LIG1: variants seen among roughly 807,000 people sequenced by gnomAD.
The protein encoded by LIG1 is ligase I, DNA, ATP-dependent.
In LIG1, 70 loss-of-function variants were observed where a neutral mutation model predicts 115.7. That is an observed-to-expected ratio of 0.60 (90% CI 0.50 to 0.74). The LOEUF is 0.74. Among genes scored for constraint, LIG1 ranks in the 30% least tolerant of loss-of-function variants. The pLI is 0.00. For synonymous variants in LIG1, 487 were observed against 495.3 expected, an observed-to-expected ratio of 0.98 and a Z score of 0.22; for missense variants, 1,115 against 1,225.6, an observed-to-expected ratio of 0.91 and a Z score of 1.35.
chr19:48,119,252 C>A, intron 24 of LIG1, 62 bp from the exon 25 acceptor site: 2 of 1,354,696 alleles, frequency 1.5e-6, no homozygotes, highest in Non-Finnish European at 2.1e-6. Context: ...CTTGCTCCTG[C>A]CATCTAAAGC....
Position 48,137,871 on chromosome 19 carries a change from C to G in LIG1, c.1088-183G>C. On this transcript the variant is annotated intron_variant, in intron 12 of 27. Transcript: ENST00000263274. This position sits in a 1 kb window ranked among gnomAD's most constrained non-coding sequence, Gnocchi z 4.3. ...CTTGGGGAACGTGCCCCCAGCCACGCTGGCTGTAGGAAGTCAGCAAACATG... is the reference window on the plus strand; with the variant it reads ...CTTGGGGAACGTGCCCCCAGCCACGGTGGCTGTAGGAAGTCAGCAAACATG... The G allele has an allele frequency of 1.4e-6, 1 of 711,278 alleles. No homozygotes were observed. Among genetic ancestry groups the G allele is most frequent in the Non-Finnish European group, 2.4e-6 (1 of 419,162 alleles). The allele number at this position is 711,278 out of a possible 1,614,324, so 44.1% of individuals were successfully genotyped here.
chr19:48,132,371 G>A (rs183345506), intron 18 of LIG1, among the ~76,000 whole-genome samples: 1 of 152,250 alleles, frequency 6.6e-6, no homozygotes, highest in African/African-American at 2.4e-5. Context: ...GCACCTCCCA[G>A]AACGGCTGTT....
At position 48,156,994 on chromosome 19, in the gene LIG1, A is replaced by G. The variant is rs1599862776; in HGVS notation, c.370+20T>C. 5 of 384,182 alleles carry G rather than the reference A, an allele frequency of 1.3e-5. No individual in the cohort carries two copies. Among genetic ancestry groups the G allele is most frequent in the Non-Finnish European group, 1.8e-5 (5 of 272,592 alleles). 23.8% of individuals were successfully genotyped at this position (384,182 alleles called of 1,614,324 possible). ...AAGAAAGGCAGGCGACTGAAGGGGC[A>G]GGGGCCCGTGTGTTCTCACCTGTGC... On this transcript the variant is annotated intron_variant, in intron 5 of 27. Transcript: ENST00000263274.
chr19:48,120,201 C>T (rs1202732633), intron 24 of LIG1: 3 of 985,368 alleles, frequency 3.0e-6, no homozygotes, highest in Non-Finnish European at 3.6e-6. Context: ...CTTCCCCACA[C>T]AGCCACGGGG....
At chr19:48,135,944 G>T in intron 15 of LIG1, 90 bp downstream of exon 15, 2 of 1,123,000 alleles carry the variant, frequency 1.8e-6, no homozygotes, top group South Asian at 2.8e-5. Context: ...GGGCCCGCTG[G>T]GGAAGGGGCG....
chr19:48,121,102 A>T, intron 24 of LIG1, 68 bp downstream of exon 24: 1 of 1,612,764 alleles, frequency 6.2e-7, no homozygotes, highest in Non-Finnish European at 8.5e-7. Flanking sequence ...GTTGTGCAAT[A>T]GGAAATACCC....
chr19:48,161,191 A>G (rs2036155352), intron 4 of LIG1, 181 bp downstream of exon 4: 1 of 800,496 alleles, frequency 1.2e-6, no homozygotes, highest in Non-Finnish European at 2.1e-6. Context: ...AGCCCACCCG[A>G]GGTCCTAGGG....
chr19:48,135,892 C>CCCCCA, intron 15 of LIG1, 113 bp from the exon 16 acceptor site: 1 of 906,292 alleles, frequency 1.1e-6, no homozygotes, highest in Non-Finnish European at 1.8e-6. Context: ...GCCCAAGACG[C>CCCCCA]CCCCTCCCCC....
chr19:48,134,112 TCA>T (rs1174674441), intron 16 of LIG1, 46 bp from the exon 17 acceptor site: 20 of 1,508,886 alleles, frequency 1.3e-5, no homozygotes, highest in East Asian at 2.5e-5. Flanking sequence ...TTTCTAGAAC[TCA>T]CACAGTTTGG....
At chr19:48,167,825 TAAAAAAAA>T (rs776208781) in intron 1 of LIG1, among the ~76,000 whole-genome samples, 3 of 113,774 alleles carry the variant, frequency 2.6e-5, no homozygotes, top group Non-Finnish European at 3.8e-5. Flanking sequence ...GACCCCGTCT[TAAAAAAAA>T]AAAAAAAAAA....
Position 48,127,997 on chromosome 19 carries a change from G to A in LIG1, c.1845C>T (p.Ser615=), listed in dbSNP as rs779281627. 2 of 1,614,058 alleles carry A rather than the reference G, an allele frequency of 1.2e-6. No homozygotes were observed. The highest frequency in any genetic ancestry group is 2.7e-5 in the African/African-American group (2 of 74,922). Residue 615 remains serine, a synonymous_variant, in exon 20 of 28, where the codon TCC becomes TCT. Transcript: ENST00000263274. The part of the protein sequence containing the change: ...IPKIKLPSVT[S]FILDTEAVAW... ...CCACGGCTTCGGTGTCCAGGATGAAGGATGTGACCGATGGGAGTTTAATCT... is the reference window on the plus strand; with the variant it reads ...CCACGGCTTCGGTGTCCAGGATGAAAGATGTGACCGATGGGAGTTTAATCT...
intron 3 of LIG1, among the ~76,000 whole-genome samples, chr19:48,161,826 CTT>C (rs34448490): frequency 7.3e-5 from 9 of 123,464 alleles, no homozygotes; most frequent in East Asian, 2.5e-4. Flanking sequence ...ATTGGGATGC[CTT>C]TTTTTTTTTT....
rs1334808541 is a variant in LIG1, at chr19:48,165,636, T to C, written c.-57-13A>G. On this transcript the variant is annotated splice_polypyrimidine_tract_variant and intron_variant, in intron 1 of 27. Transcript: ENST00000263274. ...CTGTCAGCTGCTCCTGGAACAGAAA[T>C]CCAAACACTTGTTGAGGTGATTGGT... 6.2e-7 allele frequency: 1 copy of C among 1,608,336 alleles called. No individual in the cohort carries two copies. The highest frequency in any genetic ancestry group is 8.5e-7 in the Non-Finnish European group (1 of 1,175,474).
intron 6 of LIG1, 47 bp from the exon 7 acceptor site, chr19:48,151,386 C>A: frequency 8.6e-7 from 1 of 1,168,348 alleles, no homozygotes; most frequent in East Asian, 2.3e-5. Context: ...CCCATTGAAC[C>A]TACAAGGGCA....
Position 48,142,442 on chromosome 19 carries a change from C to CAAA in LIG1, c.914+1098_914+1100dup, listed in dbSNP as rs561137392. ...TGGGCAACAGAGCAAGACTCCATCT[C>CAAA]AAAAAAAAAAAAAAACAGAGTGCTG... On this transcript the variant is annotated intron_variant, in intron 11 of 27. Transcript: ENST00000263274. Among the ~76,000 whole-genome samples, 53 of 75,616 alleles carry CAAA rather than the reference C, an allele frequency of 7.0e-4. 6 individuals are homozygous for CAAA. Among genetic ancestry groups the CAAA allele is most frequent in the African/African-American group, 1.7e-3 (35 of 20,380 alleles). The allele number at this position is 75,616 out of a possible 152,430, so 49.6% of individuals were successfully genotyped here. A position where few individuals can be genotyped will look rare whatever the true frequency, so the allele number is the denominator to read the frequency against.
At chr19:48,119,287 C>T (rs983648767) in intron 24 of LIG1, 97 bp from the exon 25 acceptor site, 5 of 980,202 alleles carry the variant, frequency 5.1e-6, no homozygotes, top group East Asian at 2.6e-5. Context: ...GCCCCCACCC[C>T]ACTCTGGTCT....
At chr19:48,141,265 G>A (rs1035023927) in intron 11 of LIG1, among the ~76,000 whole-genome samples, 1 of 152,258 alleles carries the variant, frequency 6.6e-6, no homozygotes, top group Non-Finnish European at 1.5e-5. Flanking sequence ...GAGTAGCCGG[G>A]ACTACCGGTG....
intron 17 of LIG1, chr19:48,133,412 G>C: frequency 5.0e-6 from 2 of 400,206 alleles, no homozygotes; most frequent in Middle Eastern, 7.9e-4. Context: ...ACAGGGAAGT[G>C]AGCCACATTT....
intron 8 of LIG1, 102 bp from the exon 9 acceptor site, chr19:48,149,943 G>A: frequency 1.9e-6 from 3 of 1,548,934 alleles, no homozygotes. Flanking sequence ...AGGGAGATGG[G>A]AGACAGGCTG....
Sources: gnomAD v4.1 joint callset for allele counts (sites outside exome capture counted in the v4.1 genomes callset) on GRCh38, gnomAD v4.1.1 for gene constraint, Gnocchi (gnomAD v3.1) non-coding constraint, MANE v1.5 for transcripts, NCBI Gene and HGNC (gene_info 2026-07-23, HGNC 2026-07-21) for gene names.